The following BANK1 variants were observed in gnomAD, a reference collection of about 807,000 sequenced individuals.
BANK1 encodes B-cell scaffold protein with ankyrin repeats.
In BANK1, 95 loss-of-function variants were observed where a neutral mutation model predicts 94.5. The observed-to-expected ratio is 1.00, with a 90% CI of 0.85 to 1.19. The LOEUF is 1.19. Ranked by LOEUF, BANK1 falls within the 50% of genes most tolerant of loss-of-function variation. The pLI is 0.00. For synonymous variants in BANK1, 334 were observed against 308.4 expected (o/e 1.08, Z -0.87); for missense variants, 987 against 932.2 (o/e 1.06, Z -0.77).
At chr4:102,015,105 G>T (rs1271369470) in intron 7 of BANK1, among the ~76,000 whole-genome samples, 3 of 151,774 alleles carry the variant, frequency 2.0e-5, no homozygotes, top group Non-Finnish European at 2.9e-5. Flanking sequence ...TGTGGCTTTT[G>T]TTTGATTTTA....
At chr4:101,878,146 C>T (rs1374709430) in intron 5 of BANK1, among the ~76,000 whole-genome samples, 1 of 151,734 alleles carries the variant, frequency 6.6e-6, no homozygotes, top group African/African-American at 2.4e-5. Context: ...ACTCTTCAAT[C>T]AAAAGACAGA....
rs1449531445 is a variant in BANK1 at position 101,878,792 on chromosome 4, C to T, written c.903+8148C>T. On this transcript the variant is annotated intron_variant, in intron 5 of 16. Coordinates refer to ENST00000322953, the MANE Select transcript of BANK1 (RefSeq NM_017935.5). ...ATGGAGTAAAATTAGAAATCAATAACAAGAGGAAATTTGAAAACTTACAAA... is the reference window on the plus strand; with the variant it reads ...ATGGAGTAAAATTAGAAATCAATAATAAGAGGAAATTTGAAAACTTACAAA... Among the ~76,000 whole-genome samples, 4 of 152,060 alleles carry T rather than the reference C, an allele frequency of 2.6e-5. No homozygotes were observed. The East Asian group carries it at 7.7e-4, about 29-fold the overall frequency.
At chr4:102,006,894 C>T (rs1322380497) in intron 7 of BANK1, among the ~76,000 whole-genome samples, 1 of 149,882 alleles carries the variant, frequency 6.7e-6, no homozygotes, top group Non-Finnish European at 1.5e-5. Context: ...CATCAATCTA[C>T]AGTGTGGATG....
chr4:101,972,596 C>A (rs1185113853), intron 7 of BANK1: 1 of 152,038 alleles, frequency 6.6e-6, no homozygotes, highest in Non-Finnish European at 1.5e-5. Context: ...CAATGAAAAT[C>A]ATCCCCCTTC....
intron 1 of BANK1, 104 bp from the exon 2 acceptor site, chr4:101,829,704 C>A (rs1726528048): frequency 1.3e-5 from 8 of 633,566 alleles, no homozygotes; most frequent in African/African-American, 1.9e-5. Context: ...CTGGTATAAG[C>A]AAATTAATAT....
intron 13 of BANK1, among the ~76,000 whole-genome samples, chr4:102,068,344 A>G (rs1196552152): frequency 1.3e-5 from 2 of 152,172 alleles, no homozygotes; most frequent in Non-Finnish European, 2.9e-5. Flanking sequence ...ATCAGAAATC[A>G]GTAAAAAAGG....
chr4:101,825,610 C>G (rs1207190573), intron 1 of BANK1, among the ~76,000 whole-genome samples: 2 of 151,968 alleles, frequency 1.3e-5, no homozygotes, highest in East Asian at 1.9e-4. Context: ...ATAAGACTAA[C>G]AGGACCAACT....
chr4:101,892,887 A>T (rs1243660299), intron 5 of BANK1, among the ~76,000 whole-genome samples: 3 of 151,994 alleles, frequency 2.0e-5, no homozygotes, highest in Non-Finnish European at 4.4e-5. Flanking sequence ...TAACTACTCC[A>T]GTCAGATATT....
At chr4:102,017,715 C>T (rs1726758354) in intron 7 of BANK1, among the ~76,000 whole-genome samples, 1 of 152,186 alleles carries the variant, frequency 6.6e-6, no homozygotes, top group Admixed American at 6.5e-5. Context: ...ATTGCATTTC[C>T]TGTTGTGCTG....
rs187129168 is a variant in BANK1 at position 102,054,922 on chromosome 4, G to A, written c.1970-5289G>A. 3.3e-3 allele frequency among the ~76,000 whole-genome samples: 507 copies of A among 152,086 alleles called. 2 individuals carry two copies. Among genetic ancestry groups the A allele is most frequent in the Non-Finnish European group, 4.2e-3 (287 of 67,908 alleles). ...TCTGCTTTTGGGAAACAACTGAAAG[G>A]TCAGAATCATCTTTCTTGCACCTGC... On this transcript the variant is annotated intron_variant, in intron 11 of 16. Transcript: ENST00000322953.
intron 10 of BANK1, among the ~76,000 whole-genome samples, chr4:102,037,068 C>T (rs1048378822): frequency 4.9e-4 from 74 of 152,324 alleles, no homozygotes; most frequent in African/African-American, 1.7e-3. Flanking sequence ...TATGATGTTA[C>T]TATTTGTTAA....
intron 5 of BANK1, among the ~76,000 whole-genome samples, chr4:101,885,700 G>A (rs957370388): frequency 3.3e-5 from 5 of 152,196 alleles, no homozygotes; most frequent in Admixed American, 6.5e-5. Context: ...GTCAATAAGG[G>A]CAAAGCTACT....
chr4:101,848,262 T>C lies in BANK1; in HGVS notation c.470-6773T>C, dbSNP rs116807118. 7.3e-3 allele frequency among the ~76,000 whole-genome samples: 1,111 copies of C among 152,110 alleles called. 14 individuals carry two copies. The highest frequency in any genetic ancestry group is 0.026 in the African/African-American group (1,070 of 41,476). On this transcript the variant is annotated intron_variant, in intron 2 of 16. Transcript: ENST00000322953. ...CCGCTTCCTCCAGAGGGTCTGTGGGTCCTCTCGGGATTGCTGGTTTGTTCT... is the reference window on the plus strand; with the variant it reads ...CCGCTTCCTCCAGAGGGTCTGTGGGCCCTCTCGGGATTGCTGGTTTGTTCT...
intron 7 of BANK1, among the ~76,000 whole-genome samples, chr4:101,921,896 G>T (rs1008140780): frequency 6.6e-6 from 1 of 151,848 alleles, no homozygotes; most frequent in African/African-American, 2.4e-5. Context: ...CTTTTCAGAA[G>T]TACTCCTGAT....
chr4:102,057,532 T>C (rs2148962378), intron 11 of BANK1, among the ~76,000 whole-genome samples: 1 of 152,216 alleles, frequency 6.6e-6, no homozygotes, highest in East Asian at 1.9e-4. Context: ...GATCTCTCCA[T>C]GTTACCCAGG....
At chr4:102,040,256 T>C (rs1179366281) in intron 10 of BANK1, among the ~76,000 whole-genome samples, 1 of 152,122 alleles carries the variant, frequency 6.6e-6, no homozygotes, top group Non-Finnish European at 1.5e-5. Flanking sequence ...TATTTAATGA[T>C]ATGCTAATTT....
At chr4:101,844,203 A>G (rs1034500907) in intron 2 of BANK1, among the ~76,000 whole-genome samples, 11 of 152,228 alleles carry the variant, frequency 7.2e-5, no homozygotes, top group African/African-American at 2.4e-4. Flanking sequence ...CAGTGTGACA[A>G]TAGTTCTAAT....
intron 11 of BANK1, among the ~76,000 whole-genome samples, chr4:102,047,676 C>A (rs1727926604): frequency 6.6e-6 from 1 of 151,810 alleles, no homozygotes; most frequent in Non-Finnish European, 1.5e-5. Flanking sequence ...TATTCAATTA[C>A]CATGTTTTTA....
intron 2 of BANK1, 87 bp from the exon 3 acceptor site, chr4:101,854,948 G>C (rs986482408): frequency 2.8e-5 from 28 of 995,722 alleles, no homozygotes; most frequent in Middle Eastern, 5.6e-4. Flanking sequence ...TATTAAATTG[G>C]TTGTTTAGCA....
Sources: allele counts gnomAD v4.1 joint callset (sites outside exome capture counted in the v4.1 genomes callset), GRCh38; gene constraint gnomAD v4.1.1; transcripts MANE v1.5; gene names NCBI Gene and HGNC (gene_info 2026-07-23, HGNC 2026-07-21).